PACS1: variants seen among roughly 807,000 people sequenced by gnomAD.
PACS1 encodes the protein phosphofurin acidic cluster sorting protein 1, also known as PACS-1.
PACS1 carries 24 observed loss-of-function variants against 115.0 expected under a neutral mutation model. The observed-to-expected ratio is 0.21, with a 90% CI of 0.15 to 0.29. PACS1 has a LOEUF of 0.29. Ranked by LOEUF, PACS1 falls within the 10% of genes least tolerant of loss-of-function variation. The pLI, the probability that PACS1 is intolerant of heterozygous loss-of-function variation, is 1.00. For synonymous variants in PACS1, 453 were observed against 504.5 expected, an observed-to-expected ratio of 0.90 and a Z score of 1.37; for missense variants, 838 against 1,251.2, an observed-to-expected ratio of 0.67 and a Z score of 4.98.
In PACS1 at chr11:66,229,895, A is replaced by AGGTTGCGGTGAGCCG. The variant is rs1565156124; in HGVS notation, c.1375-653_1375-652insGGTTGCGGTGAGCCG. On this transcript the variant is annotated intron_variant, in intron 11 of 23. Coordinates refer to ENST00000320580, the MANE Select transcript of PACS1 (RefSeq NM_018026.4). ...TGGGAGGCGGAGGTTGCGGTGAGCC[A>AGGTTGCGGTGAGCCG]AGGTTGCGCCAAGATTGTGCCACTG... 5.4e-3 allele frequency among the ~76,000 whole-genome samples: 827 copies of AGGTTGCGGTGAGCCG among 151,890 alleles called. 10 individuals are homozygous for AGGTTGCGGTGAGCCG. The highest frequency in any genetic ancestry group is 0.017 in the African/African-American group (694 of 41,474).
chr11:66,141,095 C>T (rs889883468), intron 1 of PACS1, among the ~76,000 whole-genome samples: 3 of 152,070 alleles, frequency 2.0e-5, no homozygotes, highest in African/African-American at 7.2e-5. Flanking sequence ...ATTTTATGTA[C>T]ATTACACATT....
intron 1 of PACS1, among the ~76,000 whole-genome samples, chr11:66,186,856 G>A (rs1276896023): frequency 1.3e-5 from 2 of 151,972 alleles, no homozygotes; most frequent in Admixed American, 6.6e-5. Context: ...GTGTAGGCCC[G>A]TAACGTTGCC....
chr11:66,212,579 T>G (rs886608565), intron 4 of PACS1, among the ~76,000 whole-genome samples: 1 of 152,080 alleles, frequency 6.6e-6, no homozygotes, highest in African/African-American at 2.4e-5. Context: ...CCTGATATTA[T>G]CACTTGGTTA....
intron 2 of PACS1, among the ~76,000 whole-genome samples, chr11:66,199,305 A>T: frequency 6.8e-6 from 1 of 146,690 alleles, no homozygotes. Context: ...ACAGAGCGAG[A>T]CTCCATCTCA....
intron 1 of PACS1, among the ~76,000 whole-genome samples, chr11:66,184,312 C>CAAAAAAAAA (rs11309195): frequency 1.8e-5 from 1 of 56,018 alleles, no homozygotes; most frequent in African/African-American, 7.6e-5. Context: ...GACCCTGTCT[C>CAAAAAAAAA]AAAAAAAAAA....
At chr11:66,230,458 G>A in intron 11 of PACS1, 90 bp from the exon 12 acceptor site, 1 of 828,516 alleles carries the variant, frequency 1.2e-6, no homozygotes, top group Non-Finnish European at 2.1e-6. Flanking sequence ...CTCTCTTCAG[G>A]ATGGTGATGG....
At chr11:66,071,257 A>AT (rs1315117234) in intron 1 of PACS1, among the ~76,000 whole-genome samples, 1 of 152,112 alleles carries the variant, frequency 6.6e-6, no homozygotes, top group Non-Finnish European at 1.5e-5. Flanking sequence ...GCCAAACTCG[A>AT]TTGTCACCTC....
At chr11:66,178,352 ATG>A (rs745396782) in intron 1 of PACS1, among the ~76,000 whole-genome samples, 1 of 151,984 alleles carries the variant, frequency 6.6e-6, no homozygotes, top group Non-Finnish European at 1.5e-5. Context: ...ACCGTACTGG[ATG>A]TGTTCTATTT....
intron 1 of PACS1, among the ~76,000 whole-genome samples, chr11:66,106,927 G>A (rs369025934): frequency 1.3e-5 from 2 of 152,146 alleles, no homozygotes; most frequent in African/African-American, 2.4e-5. Flanking sequence ...TGGTGTTCAA[G>A]CCATTGCCTC....
intron 7 of PACS1, 109 bp from the exon 8 acceptor site, chr11:66,219,637 C>G (rs778018900): frequency 1.3e-5 from 11 of 857,832 alleles, no homozygotes; most frequent in Non-Finnish European, 2.2e-5. Context: ...CTCCAGTCTT[C>G]GTGTCTTCCC....
chr11:66,169,566 A>ATTTTTTT (rs59176258), intron 1 of PACS1, among the ~76,000 whole-genome samples: 9 of 115,314 alleles, frequency 7.8e-5, no homozygotes, highest in Non-Finnish European at 8.2e-5. Context: ...CGCCCGGCTA[A>ATTTTTTT]TTTTTTTTTT....
chr11:66,111,363 T>A (rs1055373578), intron 1 of PACS1, among the ~76,000 whole-genome samples: 1 of 152,254 alleles, frequency 6.6e-6, no homozygotes, highest in African/African-American at 2.4e-5. Flanking sequence ...AAAGCAGAAC[T>A]GTCTCTATAA....
chr11:66,218,814 C>G (rs1000304048), intron 7 of PACS1: 6 of 150,948 alleles, frequency 4.0e-5, no homozygotes, highest in Non-Finnish European at 5.9e-5. Flanking sequence ...GATCCGAGAT[C>G]ACCTCACTGC....
chr11:66,155,211 TC>T (rs1251533129), intron 1 of PACS1, among the ~76,000 whole-genome samples: 1 of 152,190 alleles, frequency 6.6e-6, no homozygotes, highest in Non-Finnish European at 1.5e-5. Context: ...TCATGTGACT[TC>T]TGGGTGTGAA....
Position 66,141,741 on chromosome 11 carries a change from C to G in PACS1, c.357-51745C>G, listed in dbSNP as rs867555231. ...TCAGCCTCCTACGTAATGGGCCCTA[C>G]AGGTATGTGCCACCACACCTAGCTA... is the stretch of plus-strand genomic sequence containing the variant. On this transcript the variant is annotated intron_variant, in intron 1 of 23. Coordinates refer to ENST00000320580, the MANE Select transcript of PACS1 (RefSeq NM_018026.4). Among the ~76,000 whole-genome samples, 4 of 151,546 alleles carry G rather than the reference C, an allele frequency of 2.6e-5. No individual in the cohort carries two copies. The South Asian group carries it at 8.4e-4, about 32-fold the overall frequency.
intron 8 of PACS1, chr11:66,220,300 T>G (rs1381831595): frequency 3.1e-6 from 1 of 326,200 alleles, no homozygotes. Context: ...AGATGAAAAT[T>G]GTTGAGAGCG....
chr11:66,134,326 A>G (rs962049424), intron 1 of PACS1, among the ~76,000 whole-genome samples: 1 of 121,520 alleles, frequency 8.2e-6, no homozygotes, highest in Non-Finnish European at 1.6e-5. Context: ...CAGTGGAGCA[A>G]TCTCGCTCGG....
Position 66,238,684 on chromosome 11 carries a change from A to T in PACS1, c.2251-120A>T. ...CCCAGCCCAGATTTGCAAAGATTTTAAAGTCGGCAATAAAATAATGTGTAG... is the reference window on the plus strand; with the variant it reads ...CCCAGCCCAGATTTGCAAAGATTTTTAAGTCGGCAATAAAATAATGTGTAG... On this transcript the variant is annotated intron_variant, in intron 19 of 23. Coordinates refer to ENST00000320580, the MANE Select transcript of PACS1 (RefSeq NM_018026.4). 1.4e-5 allele frequency: 13 copies of T among 960,968 alleles called. No homozygotes were observed. The South Asian group carries it at 1.9e-4, about 14-fold the overall frequency. 59.5% of individuals were successfully genotyped at this position (960,968 alleles called of 1,614,324 possible). A position where few individuals can be genotyped will look rare whatever the true frequency, so the allele number is the denominator to read the frequency against.
intron 1 of PACS1, among the ~76,000 whole-genome samples, chr11:66,184,050 G>A (rs1456343839): frequency 6.6e-6 from 1 of 151,862 alleles, no homozygotes; most frequent in Admixed American, 6.6e-5. Flanking sequence ...TTTGATTTGG[G>A]GTCTAACTAG....
Sources: gnomAD v4.1 joint callset for allele counts (sites outside exome capture counted in the v4.1 genomes callset) on GRCh38, gnomAD v4.1.1 for gene constraint, MANE v1.5 for transcripts, NCBI Gene and HGNC (gene_info 2026-07-23, HGNC 2026-07-21) for gene names.